The following CEP350 variants were observed in gnomAD, a reference collection of about 807,000 sequenced individuals.
The protein encoded by CEP350 is centrosomal protein 350.
CEP350 carries 126 observed loss-of-function variants against 331.8 expected under a neutral mutation model. The ratio of observed to expected loss-of-function variants is 0.38; its 90% confidence interval spans 0.33 to 0.44. The LOEUF (loss-of-function observed/expected upper bound fraction) is 0.44. Among genes scored for constraint, CEP350 ranks in the 20% least tolerant of loss-of-function variants. The pLI, the probability that CEP350 is intolerant of heterozygous loss-of-function variation, is 1.00. For synonymous variants in CEP350, 1,200 were observed against 1,259.5 expected (o/e 0.95, Z 1.00); for missense variants, 3,406 against 3,634.6 (o/e 0.94, Z 1.62).
chr1:179,970,582 A>G lies in CEP350; in HGVS notation c.-14+15440A>G, dbSNP rs139136034. ...CTATCATAGATCTGATATAGATCAG[A>G]GAACTGAAATGTAGCAAAGGTGTGG... On this transcript the variant is annotated intron_variant, in intron 1 of 37. Coordinates refer to ENST00000367607, the MANE Select transcript of CEP350 (RefSeq NM_014810.5). Among the ~76,000 whole-genome samples, 698 of 151,182 alleles carry G rather than the reference A, an allele frequency of 4.6e-3. 6 individuals carry two copies. The highest frequency in any genetic ancestry group is 0.016 in the African/African-American group (661 of 41,482).
chr1:180,077,671 T>TAA (rs3067269), intron 28 of CEP350, among the ~76,000 whole-genome samples: 1,463 of 97,236 alleles, frequency 0.015, 70 homozygotes, highest in African/African-American at 0.058. Flanking sequence ...TCTCAAAAAG[T>TAA]AAAAAAAAAA....
chr1:180,077,383 A>G (rs140118651), intron 28 of CEP350, among the ~76,000 whole-genome samples: 1 of 107,490 alleles, frequency 9.3e-6, no homozygotes, highest in East Asian at 2.9e-4. Flanking sequence ...AGACATTAAA[A>G]CCAAAACAGC....
chr1:180,052,421 G>A (rs1657569316), intron 22 of CEP350: 2 of 318,588 alleles, frequency 6.3e-6, no homozygotes. Context: ...AGGGCTGTAG[G>A]GAAAATACAG....
intron 1 of CEP350, among the ~76,000 whole-genome samples, chr1:179,966,929 C>T (rs898026288): frequency 1.3e-5 from 2 of 152,124 alleles, no homozygotes; most frequent in African/African-American, 4.8e-5. Context: ...CTTGGTGTTC[C>T]TGGGAGTTGC....
At chr1:179,978,639 G>C (rs550925817) in intron 1 of CEP350, among the ~76,000 whole-genome samples, 1 of 151,992 alleles carries the variant, frequency 6.6e-6, no homozygotes, top group South Asian at 2.1e-4. Context: ...GCTGTGTTTA[G>C]CTTTCTGTTC....
At chr1:180,041,939 A>C in intron 19 of CEP350, 137 bp downstream of exon 19, 1 of 735,822 alleles carries the variant, frequency 1.4e-6, no homozygotes, top group East Asian at 2.8e-5. Context: ...GCCATACCCT[A>C]TTGAAATAAG....
intron 18 of CEP350, 99 bp from the exon 19 acceptor site, chr1:180,041,563 A>T: frequency 8.3e-7 from 1 of 1,201,454 alleles, no homozygotes; most frequent in Middle Eastern, 2.8e-4. Context: ...AGTGTTTTTT[A>T]CTATGAATAA....
chr1:179,995,320 G>A (rs1267131854), intron 5 of CEP350, among the ~76,000 whole-genome samples: 2 of 152,100 alleles, frequency 1.3e-5, no homozygotes, highest in Non-Finnish European at 2.9e-5. Context: ...ATAAGGCTCA[G>A]CCAGGCACAA....
intron 6 of CEP350, among the ~76,000 whole-genome samples, chr1:180,000,187 A>G (rs1653766664): frequency 6.6e-6 from 1 of 152,218 alleles, no homozygotes; most frequent in African/African-American, 2.4e-5. Context: ...AAGTTAACAT[A>G]TAAGATGCAA....
intron 26 of CEP350, 105 bp downstream of exon 26, chr1:180,062,471 A>G (rs1048586384): frequency 1.5e-6 from 2 of 1,314,374 alleles, no homozygotes; most frequent in South Asian, 4.1e-5. Context: ...GTATGATACA[A>G]TAATGAACTA....
chr1:179,977,452 G>T (rs1295224474), intron 1 of CEP350, among the ~76,000 whole-genome samples: 1 of 152,156 alleles, frequency 6.6e-6, no homozygotes, highest in Non-Finnish European at 1.5e-5. Flanking sequence ...AGAGAGATGA[G>T]TATGAGCAGA....
At chr1:180,065,401 G>T (rs936196737) in intron 27 of CEP350, 129 bp downstream of exon 27, 2 of 909,806 alleles carry the variant, frequency 2.2e-6, no homozygotes, top group Non-Finnish European at 3.2e-6. Flanking sequence ...CATTTTAGCA[G>T]AATTGTTAGA....
chr1:180,028,353 A>G (rs1019967373), intron 14 of CEP350, among the ~76,000 whole-genome samples: 9 of 152,216 alleles, frequency 5.9e-5, no homozygotes, highest in Admixed American at 2.6e-4. Context: ...ATCTTGCTCA[A>G]TTCTTATTTT....
intron 33 of CEP350, among the ~76,000 whole-genome samples, chr1:180,091,942 C>T (rs2149128464): frequency 6.6e-6 from 1 of 151,606 alleles, no homozygotes; most frequent in African/African-American, 2.4e-5. Flanking sequence ...ATCCCAGGTA[C>T]TTAGGAGGCT....
Position 179,987,301 on chromosome 1 carries a change from C to T in CEP350, c.120+15C>T. ...CCAAGGCTGCTGTAAGTAGTTTTAG[C>T]TTCCATTTATTTATTTCTGGATTAA... On this transcript the variant is annotated intron_variant, in intron 3 of 37. Coordinates refer to ENST00000367607, the MANE Select transcript of CEP350 (RefSeq NM_014810.5). 1.4e-6 allele frequency: 2 copies of T among 1,462,198 alleles called. No individual in the cohort carries two copies. The highest frequency in any genetic ancestry group is 1.9e-6 in the Non-Finnish European group (2 of 1,052,754). 90.6% of individuals were successfully genotyped at this position (1,462,198 alleles called of 1,614,324 possible).
At chr1:180,002,200 G>A (rs774935724) in intron 6 of CEP350, among the ~76,000 whole-genome samples, 12 of 152,116 alleles carry the variant, frequency 7.9e-5, no homozygotes, top group Non-Finnish European at 1.8e-4. Flanking sequence ...TAGACTTGGC[G>A]CGGTGGCTCA....
intron 21 of CEP350, among the ~76,000 whole-genome samples, chr1:180,048,215 A>C (rs536016842): frequency 7.1e-4 from 108 of 152,330 alleles, no homozygotes; most frequent in Middle Eastern, 6.8e-3. Flanking sequence ...TGAAAAGTAA[A>C]GAAGTGGAAA....
chr1:180,014,229 C>T lies in CEP350; in HGVS notation c.1776C>T (p.Asp592=). The T allele has an allele frequency of 6.2e-7, 1 of 1,610,682 alleles. No individual in the cohort carries two copies. Among genetic ancestry groups the T allele is most frequent in the East Asian group, 2.2e-5 (1 of 44,844 alleles). Residue 592 remains aspartate (D), a synonymous_variant, in exon 10 of 38, where the codon GAC becomes GAT. Coordinates refer to ENST00000367607, the MANE Select transcript of CEP350 (RefSeq NM_014810.5). The part of the protein sequence containing the change: ...PPVISKRRHY[D]TDEVRQYIVR... ...TTATTTCCAAAAGGCGCCACTATGA[C>T]ACAGATGAGGTACGACAGTACATTG...
At chr1:179,959,286 T>G (rs1650411196) in intron 1 of CEP350, among the ~76,000 whole-genome samples, 3 of 151,582 alleles carry the variant, frequency 2.0e-5, no homozygotes. Flanking sequence ...GCGAAACCCA[T>G]CTCTACTAAA....
Sources: allele counts gnomAD v4.1 joint callset (sites outside exome capture counted in the v4.1 genomes callset), GRCh38; gene constraint gnomAD v4.1.1; transcripts MANE v1.5; gene names NCBI Gene and HGNC (gene_info 2026-07-23, HGNC 2026-07-21).